The following GALNT13 variants were observed in gnomAD, a reference collection of about 807,000 sequenced individuals.
The protein encoded by GALNT13 is UDP-GalNAc:polypeptide N-acetylgalactosaminyltransferase 13.
GALNT13 carries 28 observed loss-of-function variants against 64.2 expected under a neutral mutation model. That is an observed-to-expected ratio of 0.44 (90% CI 0.32 to 0.60). The LOEUF (loss-of-function observed/expected upper bound fraction) is 0.60, where lower values mean the gene tolerates loss of function less well. Ranked by LOEUF, GALNT13 falls within the 20% of genes least tolerant of loss-of-function variation. The pLI is 0.05. For missense variants in GALNT13, 577 were observed against 669.8 expected (o/e 0.86, Z 1.53); for synonymous variants, 214 against 224.6 (o/e 0.95, Z 0.42).
chr2:153,709,321 G>C, the GALNT13 span, among the ~76,000 whole-genome samples: 1 of 151,764 alleles, frequency 6.6e-6, no homozygotes, highest in Non-Finnish European at 1.5e-5. Context: ...CCAACTAAAA[G>C]AAGGGCAAAA....
At chr2:153,455,669 A>G in the GALNT13 span, among the ~76,000 whole-genome samples, 2 of 152,176 alleles carry the variant, frequency 1.3e-5, no homozygotes, top group South Asian at 2.1e-4. Flanking sequence ...AGGGCGCGTT[A>G]TGGTGCTCGT....
At chr2:153,533,063 T>A in the GALNT13 span, among the ~76,000 whole-genome samples, 3 of 152,236 alleles carry the variant, frequency 2.0e-5, no homozygotes, top group Non-Finnish European at 2.9e-5. Context: ...CTCTTTTTGC[T>A]TGAATGGATT....
chr2:154,117,080 G>C (rs1439148833), intron 3 of GALNT13, among the ~76,000 whole-genome samples: 1 of 152,024 alleles, frequency 6.6e-6, no homozygotes, highest in Non-Finnish European at 1.5e-5. Flanking sequence ...TGGGAGGCTA[G>C]GCCAGTTTAT....
At chr2:154,100,443 AGG>A (rs1702288761) in intron 3 of GALNT13, among the ~76,000 whole-genome samples, 1 of 152,098 alleles carries the variant, frequency 6.6e-6, no homozygotes, top group South Asian at 2.1e-4. Context: ...ATATATTCCT[AGG>A]TATTTTATTT....
chr2:153,585,244 A>G, the GALNT13 span, among the ~76,000 whole-genome samples: 1 of 152,214 alleles, frequency 6.6e-6, no homozygotes, highest in Non-Finnish European at 1.5e-5. Flanking sequence ...CAAACCAAAT[A>G]GAAATTCTGA....
intron 4 of GALNT13, among the ~76,000 whole-genome samples, chr2:154,171,099 A>G (rs1007510841): frequency 7.9e-5 from 12 of 152,242 alleles, no homozygotes; most frequent in African/African-American, 2.9e-4. Context: ...GACACTCAGC[A>G]ATGTTAATTT....
Position 154,086,621 on chromosome 2 carries a change from G to A in GALNT13, c.143-53716G>A, listed in dbSNP as rs1040374861. ...AAATGGTAAATTTCTATCCATTAGA[G>A]GATTTACCTTTGATTTCATTTTGGT... On this transcript the variant is annotated intron_variant, in intron 3 of 12. Coordinates refer to ENST00000392825, the MANE Select transcript of GALNT13 (RefSeq NM_052917.4). Among the ~76,000 whole-genome samples the A allele has an allele frequency of 2.0e-5, 3 of 151,832 alleles. No homozygotes were observed. The South Asian group carries it at 6.2e-4, about 32-fold the overall frequency.
At chr2:154,296,981 G>A (rs748048726) in intron 8 of GALNT13, among the ~76,000 whole-genome samples, 13 of 152,118 alleles carry the variant, frequency 8.5e-5, no homozygotes, top group Non-Finnish European at 1.8e-4. Context: ...ATTGTATTCC[G>A]GGTACAGGGG....
the GALNT13 span, among the ~76,000 whole-genome samples, chr2:153,208,973 C>CTTTTT: frequency 0.019 from 1,449 of 74,636 alleles, 100 homozygotes; most frequent in African/African-American, 0.039. Flanking sequence ...TGGTTTTGGT[C>CTTTTT]TTTTTTTTTT....
intron 4 of GALNT13, among the ~76,000 whole-genome samples, chr2:154,193,886 G>T (rs1319441577): frequency 1.3e-5 from 2 of 152,070 alleles, no homozygotes; most frequent in Non-Finnish European, 2.9e-5. Context: ...TATTTTGGAG[G>T]ATTACTGTGA....
At chr2:154,436,130 T>C (rs1369196807) in intron 11 of GALNT13, 3 of 152,224 alleles carry the variant, frequency 2.0e-5, no homozygotes, top group Non-Finnish European at 2.9e-5. Context: ...TATCTACAGA[T>C]TGTTTTTAAC....
chr2:153,767,513 A>C, the GALNT13 span, among the ~76,000 whole-genome samples: 1 of 152,164 alleles, frequency 6.6e-6, no homozygotes, highest in East Asian at 1.9e-4. Flanking sequence ...TTAGTTCTAC[A>C]AAAAATCCCT....
intron 9 of GALNT13, among the ~76,000 whole-genome samples, chr2:154,354,485 T>G (rs2105265753): frequency 7.0e-6 from 1 of 142,196 alleles, no homozygotes; most frequent in Admixed American, 7.6e-5. Context: ...CTAAAAAATC[T>G]TGGCCATGGC....
the GALNT13 span, among the ~76,000 whole-genome samples, chr2:153,254,105 T>C: frequency 1.7e-4 from 26 of 152,188 alleles, no homozygotes; most frequent in African/African-American, 6.0e-4. Context: ...TCCTGGACTC[T>C]TTTTGGTTGG....
chr2:153,330,320 G>A, the GALNT13 span, among the ~76,000 whole-genome samples: 5 of 152,124 alleles, frequency 3.3e-5, no homozygotes, highest in African/African-American at 9.7e-5. Context: ...GAAAAATGAT[G>A]TTGGTAGTTT....
At chr2:153,340,905 A>C in the GALNT13 span, among the ~76,000 whole-genome samples, 1 of 152,184 alleles carries the variant, frequency 6.6e-6, no homozygotes, top group Non-Finnish European at 1.5e-5. Flanking sequence ...TGTGGTTCCC[A>C]ATCAGCAACA....
At chr2:153,483,936 G>A in the GALNT13 span, among the ~76,000 whole-genome samples, 160 of 152,234 alleles carry the variant, frequency 1.1e-3, no homozygotes, top group Non-Finnish European at 1.8e-3. Flanking sequence ...ATGATGAAGA[G>A]TTTCTGGAAA....
chr2:153,445,209 A>T, the GALNT13 span, among the ~76,000 whole-genome samples: 3 of 152,168 alleles, frequency 2.0e-5, no homozygotes, highest in Non-Finnish European at 2.9e-5. Context: ...TTTGTCCATT[A>T]AAATAACTTT....
intron 9 of GALNT13, among the ~76,000 whole-genome samples, chr2:154,334,175 C>T (rs1399534431): frequency 6.6e-6 from 1 of 151,936 alleles, no homozygotes; most frequent in African/African-American, 2.4e-5. Flanking sequence ...TTTGCCTTAA[C>T]AGAGAAATAC....
Sources: allele counts gnomAD v4.1 joint callset (sites outside exome capture counted in the v4.1 genomes callset), GRCh38; gene constraint gnomAD v4.1.1; transcripts MANE v1.5; gene names NCBI Gene and HGNC (gene_info 2026-07-23, HGNC 2026-07-21).